SPTBN1: variants seen among roughly 807,000 people sequenced by gnomAD.
SPTBN1 encodes the protein spectrin beta, non-erythrocytic 1, also known as spectrin beta chain, non-erythrocytic 1.
A neutral mutation model predicts 266.4 loss-of-function variants in SPTBN1; 32 were observed. The ratio of observed to expected loss-of-function variants is 0.12; its 90% CI spans 0.09 to 0.16. The LOEUF is 0.16. SPTBN1 is among the 10% of genes least tolerant of loss of function. SPTBN1 has a pLI of 1.00. For synonymous variants in SPTBN1, 1,336 were observed against 1,162.2 expected, an observed-to-expected ratio of 1.15 and a Z score of -3.04; for missense variants, 2,296 against 3,067.1, an observed-to-expected ratio of 0.75 and a Z score of 5.94.
chr2:54,457,044 G>A lies in SPTBN1; in HGVS notation c.-48+526G>A, dbSNP rs1188029253. The stretch of plus-strand genomic sequence containing the variant: ...GGGCTCTGCGCGTAGCGGTGCAGGG[G>A]ATGCGGCCAGGCGTGGTCCCGGCTG... On this transcript the variant is annotated intron_variant, in intron 1 of 35. Transcript: ENST00000356805. 2.0e-5 allele frequency among the ~76,000 whole-genome samples: 3 copies of A among 151,740 alleles called. No homozygotes were observed. In the East Asian group the frequency reaches 5.8e-4, roughly 29 times the overall value.
chr2:54,595,202 G>T (rs1455530796), intron 2 of SPTBN1, among the ~76,000 whole-genome samples: 7 of 152,198 alleles, frequency 4.6e-5, no homozygotes, highest in African/African-American at 1.7e-4. Flanking sequence ...ATTTAGAGCA[G>T]TTACAACACT....
intron 32 of SPTBN1, 60 bp downstream of exon 32, chr2:54,660,059 C>G: frequency 6.2e-7 from 1 of 1,614,232 alleles, no homozygotes; most frequent in Non-Finnish European, 8.5e-7. Flanking sequence ...GACGGACAGC[C>G]AGTGACCAGC....
intron 1 of SPTBN1, among the ~76,000 whole-genome samples, chr2:54,467,646 A>C (rs1445567986): frequency 1.3e-5 from 2 of 152,164 alleles, no homozygotes; most frequent in African/African-American, 2.4e-5. Flanking sequence ...TGGCCTCCCA[A>C]AATTCTGGGA....
At chr2:54,470,606 G>T (rs1693871221) in intron 1 of SPTBN1, among the ~76,000 whole-genome samples, 1 of 152,028 alleles carries the variant, frequency 6.6e-6, no homozygotes, top group Non-Finnish European at 1.5e-5. Flanking sequence ...TTCTGAAGAG[G>T]GCTTTTTTCG....
chr2:54,563,863 A>G (rs1351581349), intron 2 of SPTBN1, among the ~76,000 whole-genome samples: 1 of 152,084 alleles, frequency 6.6e-6, no homozygotes, highest in Non-Finnish European at 1.5e-5. Context: ...TGGCCTCCCC[A>G]AGTGCTGACC....
intron 1 of SPTBN1, among the ~76,000 whole-genome samples, chr2:54,484,204 A>G (rs1420712495): frequency 2.6e-5 from 4 of 152,130 alleles, no homozygotes; most frequent in Admixed American, 2.6e-4. Flanking sequence ...AACAAAACCA[A>G]ATATGTCTGT....
chr2:54,619,863 C>T (rs1275041023), intron 7 of SPTBN1, among the ~76,000 whole-genome samples: 2 of 152,150 alleles, frequency 1.3e-5, no homozygotes, highest in Non-Finnish European at 2.9e-5. Flanking sequence ...AGCATGCCAG[C>T]AGTGTGTCCT....
chr2:54,581,726 T>G (rs1674928729), intron 2 of SPTBN1, among the ~76,000 whole-genome samples: 1 of 152,060 alleles, frequency 6.6e-6, no homozygotes, highest in Admixed American at 6.6e-5. Flanking sequence ...TACTACTTCC[T>G]CCTCACTGAC....
chr2:54,643,518 C>T (rs185172414), intron 19 of SPTBN1, among the ~76,000 whole-genome samples: 12 of 152,014 alleles, frequency 7.9e-5, no homozygotes, highest in African/African-American at 2.9e-4. Flanking sequence ...TTTAAAATTG[C>T]TTTTTCCTAT....
Position 54,458,978 on chromosome 2 carries a change from C to T in SPTBN1, c.-48+2460C>T, listed in dbSNP as rs1339078470. ...CGTTATTTTGAGTTTCTCTAATAGC[C>T]ATTAAAATATGAGACTTTTTGTGCT... On this transcript the variant is annotated intron_variant, in intron 1 of 35. Coordinates refer to ENST00000356805, the MANE Select transcript of SPTBN1 (RefSeq NM_003128.3). 3.3e-5 allele frequency among the ~76,000 whole-genome samples: 5 copies of T among 152,250 alleles called. No individual in the cohort carries two copies. In the South Asian group the frequency reaches 1.0e-3, roughly 32 times the overall value.
At chr2:54,497,970 A>C (rs1426911972) in intron 1 of SPTBN1, among the ~76,000 whole-genome samples, 1 of 152,212 alleles carries the variant, frequency 6.6e-6, no homozygotes, top group Non-Finnish European at 1.5e-5. Flanking sequence ...ACAAAGGAAA[A>C]AAACAAGCCC....
intron 1 of SPTBN1, among the ~76,000 whole-genome samples, chr2:54,493,591 AAGGTTTTGAC>A (rs1668806929): frequency 2.0e-5 from 3 of 151,902 alleles, no homozygotes; most frequent in Admixed American, 6.6e-5. Flanking sequence ...TAGTAGAGAC[AAGGTTTTGAC>A]ATGTTGGCCC....
In SPTBN1 at chr2:54,664,821, T is replaced by A; in HGVS notation, c.6659+130T>A. On this transcript the variant is annotated intron_variant, in intron 33 of 35. Transcript: ENST00000356805. The surrounding 1 kb of genome is among the most constrained non-coding windows in gnomAD (Gnocchi z 5.6). Reference sequence around the variant, plus strand: ...ATTCCTTTGGTAGCTTCCTGGACATTGCATTCTTCTTGGGCTGACGCTGGA... The same window carrying A: ...ATTCCTTTGGTAGCTTCCTGGACATAGCATTCTTCTTGGGCTGACGCTGGA... 10 of 924,752 alleles carry A rather than the reference T, an allele frequency of 1.1e-5. No individual in the cohort carries two copies. In the South Asian group the frequency reaches 1.6e-4, roughly 14 times the overall value. 57.3% of individuals were successfully genotyped at this position (924,752 alleles called of 1,614,324 possible). A position where few individuals can be genotyped will look rare whatever the true frequency, so the allele number is the denominator to read the frequency against.
At chr2:54,506,849 A>T (rs1669587143) in intron 1 of SPTBN1, among the ~76,000 whole-genome samples, 2 of 150,252 alleles carry the variant, frequency 1.3e-5, no homozygotes, top group Non-Finnish European at 3.0e-5. Flanking sequence ...GTTTCAGAAG[A>T]GTCTCTCCAG....
At chr2:54,576,402 C>T (rs1674480871) in intron 2 of SPTBN1, among the ~76,000 whole-genome samples, 1 of 152,104 alleles carries the variant, frequency 6.6e-6, no homozygotes. Context: ...TAACTTAAAG[C>T]TGGAACGTTG....
chr2:54,465,236 A>G (rs1424656552), intron 1 of SPTBN1, among the ~76,000 whole-genome samples: 1 of 152,160 alleles, frequency 6.6e-6, no homozygotes, highest in African/African-American at 2.4e-5. Context: ...TTAATTCTCT[A>G]CACTAACCTA....
Position 54,500,858 on chromosome 2 carries a change from T to C in SPTBN1, c.-47-25514T>C, listed in dbSNP as rs1162982181. ...TGGCTGGCTGCGCATTTTAAAGATC[T>C]TGATGCTCACTCATACCTGAGCCAG... On this transcript the variant is annotated intron_variant, in intron 1 of 35. Coordinates refer to ENST00000356805, the MANE Select transcript of SPTBN1 (RefSeq NM_003128.3). 6.6e-5 allele frequency among the ~76,000 whole-genome samples: 10 copies of C among 152,206 alleles called. No individual in the cohort carries two copies. In the East Asian group the frequency reaches 1.5e-3, roughly 23 times the overall value.
intron 1 of SPTBN1, among the ~76,000 whole-genome samples, chr2:54,485,448 C>T (rs1352864924): frequency 6.6e-6 from 1 of 152,256 alleles, no homozygotes; most frequent in East Asian, 1.9e-4. Context: ...CAGCCTCGGC[C>T]TCCCAAGGTG....
chr2:54,636,641 A>G (rs1191715101), intron 17 of SPTBN1, among the ~76,000 whole-genome samples: 1 of 152,224 alleles, frequency 6.6e-6, no homozygotes, highest in African/African-American at 2.4e-5. Flanking sequence ...ATCCAAGGCT[A>G]TGTGTTCTTC....
Sources: gnomAD v4.1 joint callset for allele counts (sites outside exome capture counted in the v4.1 genomes callset) on GRCh38, gnomAD v4.1.1 for gene constraint, Gnocchi (gnomAD v3.1) non-coding constraint, MANE v1.5 for transcripts, NCBI Gene and HGNC (gene_info 2026-07-23, HGNC 2026-07-21) for gene names.